PPARGC1A: variants seen among roughly 807,000 people sequenced by gnomAD.
PPARGC1A encodes PPARG coactivator 1 alpha.
PPARGC1A carries 25 observed loss-of-function variants against 88.7 expected under a neutral mutation model. That is an observed-to-expected ratio of 0.28 (90% CI 0.21 to 0.39). The LOEUF (loss-of-function observed/expected upper bound fraction) is 0.39. Ranked by LOEUF, PPARGC1A falls within the 10% of genes least tolerant of loss-of-function variation. PPARGC1A has a pLI of 1.00. For missense variants in PPARGC1A, 880 were observed against 968.7 expected, an observed-to-expected ratio of 0.91 and a Z score of 1.22; for synonymous variants, 363 against 355.6, an observed-to-expected ratio of 1.02 and a Z score of -0.24.
chr4:24,133,318 G>T, the PPARGC1A span, among the ~76,000 whole-genome samples: 15 of 152,300 alleles, frequency 9.8e-5, no homozygotes, highest in Middle Eastern at 3.4e-3. Context: ...CCAAAAACCA[G>T]CAGATGAATA....
chr4:24,302,047 C>G, the PPARGC1A span, among the ~76,000 whole-genome samples: 52 of 152,234 alleles, frequency 3.4e-4, no homozygotes, highest in African/African-American at 1.2e-3. Flanking sequence ...TCGTTTCCCC[C>G]CAAGTTGTTC....
chr4:23,892,992 A>C (rs1461015481), upstream of PPARGC1A, among the ~76,000 whole-genome samples: 1 of 152,136 alleles, frequency 6.6e-6, no homozygotes, highest in African/African-American at 2.4e-5. Context: ...ACCCAAATCA[A>C]ACCCATTTTT....
In PPARGC1A at chr4:23,794,943, G is replaced by A. The variant is rs1178020122; in HGVS notation, c.*879C>T. On this transcript the variant is annotated 3_prime_UTR_variant, in exon 13 of 13. Coordinates refer to ENST00000264867, the MANE Select transcript of PPARGC1A (RefSeq NM_013261.5). Reference sequence around the variant, plus strand: ...TTTTGGACATTTACATGGGTGTCAGGATTAAGGATGAACTACAGAAACTTC... The same window carrying A: ...TTTTGGACATTTACATGGGTGTCAGAATTAAGGATGAACTACAGAAACTTC... 4 of 152,052 alleles carry A rather than the reference G, an allele frequency of 2.6e-5. No individual in the cohort carries two copies. Among genetic ancestry groups the A allele is most frequent in the Non-Finnish European group, 5.9e-5 (4 of 67,952 alleles). The allele number at this position is 152,052 out of a possible 1,614,324, so 9.4% of individuals were successfully genotyped here.
the PPARGC1A span, among the ~76,000 whole-genome samples, chr4:24,286,128 T>C: frequency 7.9e-5 from 12 of 152,006 alleles, no homozygotes; most frequent in African/African-American, 2.9e-4. Context: ...CATGTCTCGG[T>C]GGGAAAATAC....
At chr4:23,832,539 T>G (rs1328860781) in intron 2 of PPARGC1A, among the ~76,000 whole-genome samples, 5 of 152,180 alleles carry the variant, frequency 3.3e-5, no homozygotes, top group Admixed American at 3.3e-4. Context: ...TTGTAATGTT[T>G]GTTAAATGCA....
chr4:23,973,178 A>G, the PPARGC1A span, among the ~76,000 whole-genome samples: 1 of 151,454 alleles, frequency 6.6e-6, no homozygotes, highest in African/African-American at 2.4e-5. Flanking sequence ...AAGGGCAGGA[A>G]GAAGAAGGAA....
the PPARGC1A span, among the ~76,000 whole-genome samples, chr4:24,456,222 C>A: frequency 6.6e-6 from 1 of 152,172 alleles, no homozygotes; most frequent in African/African-American, 2.4e-5. Flanking sequence ...AAAGCTGTAA[C>A]TGATGCATTG....
the PPARGC1A span, among the ~76,000 whole-genome samples, chr4:24,437,150 T>C: frequency 1.3e-5 from 2 of 152,210 alleles, no homozygotes; most frequent in Non-Finnish European, 2.9e-5. Context: ...CAATGTCAGA[T>C]TGGGATACGA....
the PPARGC1A span, among the ~76,000 whole-genome samples, chr4:24,155,598 CAA>C: frequency 0.13 from 17,860 of 139,384 alleles, 1,279 homozygotes; most frequent in African/African-American, 0.21. Context: ...AAAACCCTGT[CAA>C]AAAAAAAAAA....
the PPARGC1A span, among the ~76,000 whole-genome samples, chr4:24,268,496 A>G: frequency 6.6e-6 from 1 of 152,212 alleles, no homozygotes; most frequent in Non-Finnish European, 1.5e-5. Context: ...CTCCTAATAG[A>G]TGCTCTTATA....
the PPARGC1A span, among the ~76,000 whole-genome samples, chr4:24,359,407 C>T: frequency 6.6e-6 from 1 of 152,142 alleles, no homozygotes; most frequent in Non-Finnish European, 1.5e-5. Context: ...CGGTCTCTAC[C>T]CTGAACTCCA....
chr4:24,155,195 T>C, the PPARGC1A span, among the ~76,000 whole-genome samples: 1 of 151,876 alleles, frequency 6.6e-6, no homozygotes, highest in Non-Finnish European at 1.5e-5. Flanking sequence ...AATATGATAA[T>C]GTATTTTAAA....
chr4:23,942,661 A>C, the PPARGC1A span, among the ~76,000 whole-genome samples: 4 of 152,296 alleles, frequency 2.6e-5, no homozygotes, highest in South Asian at 8.3e-4. Flanking sequence ...AAACTTAGGC[A>C]CACATAAACA....
rs16874273 is a variant in PPARGC1A, at chr4:23,878,724, A to T, written c.234+6028T>A. Among the ~76,000 whole-genome samples, 1,178 of 152,290 alleles carry T rather than the reference A, an allele frequency of 7.7e-3. 36 individuals carry two copies. The East Asian group carries it at 0.11, about 14-fold the overall frequency. On this transcript the variant is annotated intron_variant, in intron 2 of 12. Transcript: ENST00000264867. ...TCCCTGCAAGATAAGCCGACAGGAG[A>T]GGCTGAAAATAAAGCAGCACACAGG...
At chr4:24,051,624 A>C in the PPARGC1A span, among the ~76,000 whole-genome samples, 1 of 152,208 alleles carries the variant, frequency 6.6e-6, no homozygotes, top group African/African-American at 2.4e-5. Context: ...CTGCTTTCTT[A>C]AATTTGTCAC....
the PPARGC1A span, among the ~76,000 whole-genome samples, chr4:24,350,529 A>C: frequency 2.7e-3 from 412 of 152,300 alleles, 2 homozygotes; most frequent in Middle Eastern, 0.024. Context: ...CTCATGAGGG[A>C]GTGGTATGAT....
the PPARGC1A span, among the ~76,000 whole-genome samples, chr4:24,259,193 C>T: frequency 6.6e-5 from 10 of 152,248 alleles, no homozygotes; most frequent in South Asian, 2.1e-3. Context: ...AAAGATGGGT[C>T]TCCTTAAAAT....
chr4:24,350,228 A>T, the PPARGC1A span, among the ~76,000 whole-genome samples: 1 of 152,096 alleles, frequency 6.6e-6, no homozygotes, highest in Admixed American at 6.5e-5. Context: ...CTTGCAGTCG[A>T]TCTAGAGCTC....
At chr4:24,430,546 T>C in the PPARGC1A span, among the ~76,000 whole-genome samples, 1 of 152,122 alleles carries the variant, frequency 6.6e-6, no homozygotes, top group African/African-American at 2.4e-5. Flanking sequence ...CAGTATTTCC[T>C]ATTTTTTTAT....
Sources: gnomAD v4.1 joint callset for allele counts (sites outside exome capture counted in the v4.1 genomes callset) on GRCh38, gnomAD v4.1.1 for gene constraint, MANE v1.5 for transcripts, NCBI Gene and HGNC (gene_info 2026-07-23, HGNC 2026-07-21) for gene names.